Variants in GRIK4 observed in about 807,000 individuals in gnomAD.
GRIK4 encodes the protein glutamate ionotropic receptor kainate type subunit 4.
A neutral mutation model predicts 104.9 loss-of-function variants in GRIK4; 40 were observed. That is an observed-to-expected ratio of 0.38 (90% CI 0.30 to 0.50). The LOEUF (loss-of-function observed/expected upper bound fraction) is 0.50, where lower values mean the gene tolerates loss of function less well. Among genes scored for constraint, GRIK4 ranks in the 20% least tolerant of loss-of-function variants. GRIK4 has a pLI of 0.93. For synonymous variants in GRIK4, 485 were observed against 524.9 expected (o/e 0.92, Z 1.04); for missense variants, 1,047 against 1,308.1 (o/e 0.80, Z 3.08).
At position 120,555,032 on chromosome 11, in the gene GRIK4, C is replaced by T. The variant is rs137975939; in HGVS notation, c.-159+43145C>T. Among the ~76,000 whole-genome samples, 195 of 152,328 alleles carry T rather than the reference C, an allele frequency of 1.3e-3. 1 individual carries two copies. The highest frequency in any genetic ancestry group is 2.1e-3 in the Non-Finnish European group (143 of 68,026). ...AGGCATCCCGTAAAGGTAGTCCATGCGAGTCCACAGAAGCTGGTTGCCTCT... is the reference window on the plus strand; with the variant it reads ...AGGCATCCCGTAAAGGTAGTCCATGTGAGTCCACAGAAGCTGGTTGCCTCT... On this transcript the variant is annotated intron_variant, in intron 1 of 20. Transcript: ENST00000527524. This position sits in a 1 kb window ranked among gnomAD's most constrained non-coding sequence, Gnocchi z 5.3.
rs201429556 is a variant in GRIK4, at chr11:120,962,699, A to T, written c.2266+18A>T. 1.3e-6 allele frequency: 2 copies of T among 1,557,664 alleles called. No homozygotes were observed. The highest frequency in any genetic ancestry group is 1.8e-6 in the Non-Finnish European group (2 of 1,129,166). On this transcript the variant is annotated intron_variant, in intron 18 of 20. Coordinates refer to ENST00000527524, the MANE Select transcript of GRIK4 (RefSeq NM_014619.5). ...GCCAGTCGGTATGCGGGAGAGGAACAGCCTCTTTGGGTAGCTTTGTCCAGA... is the reference window on the plus strand; with the variant it reads ...GCCAGTCGGTATGCGGGAGAGGAACTGCCTCTTTGGGTAGCTTTGTCCAGA...
rs184164774 is a variant in GRIK4 at position 120,765,699 on chromosome 11, C to T, written c.83-36994C>T. On this transcript the variant is annotated intron_variant, in intron 3 of 20. Coordinates refer to ENST00000527524, the MANE Select transcript of GRIK4 (RefSeq NM_014619.5). ...TTGTTGCTTTCTGTTTGTTATTTTT[C>T]CTTCTAACAGTCAGGCCTCTCTTCT... Among the ~76,000 whole-genome samples the T allele has an allele frequency of 5.0e-3, 754 of 152,302 alleles. 8 individuals are homozygous for T. The highest frequency in any genetic ancestry group is 9.9e-3 in the Admixed American group (151 of 15,300).
At chr11:120,928,834 T>G (rs1285355378) in intron 13 of GRIK4, among the ~76,000 whole-genome samples, 1 of 152,178 alleles carries the variant, frequency 6.6e-6, no homozygotes, top group Non-Finnish European at 1.5e-5. Context: ...CGGATGACAT[T>G]GCCACTTTCC....
intron 13 of GRIK4, chr11:120,936,343 A>G (rs529178745): frequency 4.1e-6 from 2 of 483,792 alleles, no homozygotes; most frequent in East Asian, 5.8e-5. Flanking sequence ...TATTCAGGAA[A>G]GAACAAGATG....
intron 13 of GRIK4, among the ~76,000 whole-genome samples, chr11:120,909,157 G>T (rs78997569): frequency 6.6e-6 from 1 of 152,264 alleles, no homozygotes; most frequent in East Asian, 1.9e-4. Flanking sequence ...CCTCTCTCCA[G>T]TGAAGACTGG....
intron 6 of GRIK4, among the ~76,000 whole-genome samples, chr11:120,824,801 C>T (rs535782483): frequency 4.6e-5 from 7 of 152,016 alleles, no homozygotes; most frequent in East Asian, 3.9e-4. Context: ...CTGCCTGCCT[C>T]GGCCTCCCGA....
At chr11:120,918,993 A>C (rs1170866376) in intron 13 of GRIK4, among the ~76,000 whole-genome samples, 1 of 152,200 alleles carries the variant, frequency 6.6e-6, no homozygotes, top group Non-Finnish European at 1.5e-5. Context: ...CTTAACAGAG[A>C]AGGCCAAATC....
chr11:120,596,884 C>G (rs965118442), intron 1 of GRIK4, among the ~76,000 whole-genome samples: 2 of 152,102 alleles, frequency 1.3e-5, no homozygotes, highest in African/African-American at 4.8e-5. Context: ...GCCACCACAC[C>G]CAGCTAATTT....
At chr11:120,971,717 G>T (rs1944478754) in intron 19 of GRIK4, among the ~76,000 whole-genome samples, 1 of 152,224 alleles carries the variant, frequency 6.6e-6, no homozygotes, top group Admixed American at 6.5e-5. Flanking sequence ...GCCCGGAAGA[G>T]GAAGTGATGA....
At chr11:120,757,841 G>A (rs928278271) in intron 3 of GRIK4, among the ~76,000 whole-genome samples, 7 of 152,138 alleles carry the variant, frequency 4.6e-5, no homozygotes, top group Admixed American at 3.3e-4. Flanking sequence ...CCCCGCACAG[G>A]GTGTGTTGGG....
rs1341097780 is a variant in GRIK4 at position 120,815,410 on chromosome 11, G to A, written c.280G>A (p.Val94Ile). 2 of 1,551,840 alleles carry A rather than the reference G, an allele frequency of 1.3e-6. No individual in the cohort carries two copies. Among genetic ancestry groups the A allele is most frequent in the Admixed American group, 3.9e-5 (2 of 51,172 alleles). The change falls in exon 5 of 21, where the codon GTC (valine) becomes ATC (isoleucine). Residue 94 changes from valine (V) to isoleucine (I), a missense_variant. By Grantham distance (29) the Val-to-Ile change is conservative (BLOSUM62 3). Around this residue, in one of 3 missense-constraint regions of GRIK4, gnomAD observed 447 missense variants for 514.9 expected, o/e 0.87. Coordinates refer to ENST00000527524, the MANE Select transcript of GRIK4 (RefSeq NM_014619.5). ...CQILPKGVVA[V>I]LGPSSSPASS... The stretch of plus-strand genomic sequence containing the variant: ...GATCCTCCCCAAGGGGGTGGTCGCT[G>A]TCCTCGGACCATCGTCCAGCCCAGC...
At chr11:120,687,091 A>T (rs1174454619) in intron 3 of GRIK4, among the ~76,000 whole-genome samples, 1 of 152,218 alleles carries the variant, frequency 6.6e-6, no homozygotes, top group Non-Finnish European at 1.5e-5. Context: ...CATTTGTATG[A>T]TTAGTAATTT....
intron 14 of GRIK4, among the ~76,000 whole-genome samples, chr11:120,949,101 T>G (rs1943937250): frequency 6.6e-6 from 1 of 152,186 alleles, no homozygotes; most frequent in African/African-American, 2.4e-5. Context: ...TCCGAGAATG[T>G]CATTTCTTCC....
chr11:120,880,704 C>T (rs1375685790), intron 11 of GRIK4, among the ~76,000 whole-genome samples: 1 of 152,238 alleles, frequency 6.6e-6, no homozygotes, highest in Non-Finnish European at 1.5e-5. Context: ...AATTCACTGC[C>T]TCTCAAGGGA....
chr11:120,582,210 C>T (rs182708786), intron 1 of GRIK4, among the ~76,000 whole-genome samples: 7 of 150,906 alleles, frequency 4.6e-5, no homozygotes, highest in Non-Finnish European at 5.9e-5. Flanking sequence ...ATTCAGATAC[C>T]CAGGCCTGAA....
chr11:120,802,486 G>A (rs1329739755), intron 3 of GRIK4, among the ~76,000 whole-genome samples: 1 of 152,086 alleles, frequency 6.6e-6, no homozygotes, highest in Non-Finnish European at 1.5e-5. Context: ...ATCCACATTA[G>A]AATTCACTTC....
At chr11:120,922,855 A>T (rs1943253627) in intron 13 of GRIK4, among the ~76,000 whole-genome samples, 1 of 152,214 alleles carries the variant, frequency 6.6e-6, no homozygotes, top group Non-Finnish European at 1.5e-5. Flanking sequence ...GCCTCGCTTG[A>T]TGCCAAGCTC....
At chr11:120,557,970 A>G (rs995199815) in intron 1 of GRIK4, among the ~76,000 whole-genome samples, 14 of 137,010 alleles carry the variant, frequency 1.0e-4, no homozygotes, top group Non-Finnish European at 2.2e-4. Context: ...GTGAGCCGAG[A>G]TTGGGCCACT....
rs572443272 is a variant in GRIK4 at position 120,902,290 on chromosome 11, A to C, written c.1273-3000A>C. ...TGCCACATTCTCACCTCGCGTTCACAGCACCCCTGCTCCAGGCTAGCACTC... is the reference window on the plus strand; with the variant it reads ...TGCCACATTCTCACCTCGCGTTCACCGCACCCCTGCTCCAGGCTAGCACTC... On this transcript the variant is annotated intron_variant, in intron 12 of 20. Coordinates refer to ENST00000527524, the MANE Select transcript of GRIK4 (RefSeq NM_014619.5). The surrounding 1 kb of genome is among the most constrained non-coding windows in gnomAD (Gnocchi z 4.5). Among the ~76,000 whole-genome samples, 3 of 152,264 alleles carry C rather than the reference A, an allele frequency of 2.0e-5. No homozygotes were observed. In the South Asian group the frequency reaches 6.2e-4, roughly 32 times the overall value.
Sources: gnomAD v4.1 joint callset for allele counts (sites outside exome capture counted in the v4.1 genomes callset) on GRCh38, gnomAD v4.1.1 for gene constraint, gnomAD v4.1.1 regional missense constraint, Gnocchi (gnomAD v3.1) non-coding constraint, MANE v1.5 for transcripts, NCBI Gene and HGNC (gene_info 2026-07-23, HGNC 2026-07-21) for gene names.